Variants in CADM1 observed in about 807,000 individuals in gnomAD.
CADM1 encodes cell adhesion molecule 1.
CADM1 carries 15 observed loss-of-function variants against 53.1 expected under a neutral mutation model. The ratio of observed to expected loss-of-function variants is 0.28; its 90% CI spans 0.19 to 0.44. CADM1 has a LOEUF of 0.44. Ranked by LOEUF, CADM1 falls within the 20% of genes least tolerant of loss-of-function variation. The probability of loss-of-function intolerance (pLI) is 1.00; values close to 1 mark genes in which losing one functional copy is unlikely to be tolerated. For missense variants in CADM1, 434 were observed against 611.3 expected (o/e 0.71, Z 3.06); for synonymous variants, 281 against 243.0 (o/e 1.16, Z -1.45).
intron 1 of CADM1, among the ~76,000 whole-genome samples, chr11:115,245,586 C>T (rs1369477713): frequency 3.9e-5 from 6 of 152,128 alleles, no homozygotes; most frequent in Non-Finnish European, 8.8e-5. Context: ...ACCTCTAATC[C>T]CTACCCGAAA....
chr11:115,474,927 T>C (rs953580383), intron 1 of CADM1, among the ~76,000 whole-genome samples: 2 of 152,088 alleles, frequency 1.3e-5, no homozygotes, highest in African/African-American at 4.8e-5. Context: ...ATACTGACAA[T>C]ATAGTGTTGA....
chr11:115,218,641 A>C (rs1941285009), intron 5 of CADM1, among the ~76,000 whole-genome samples: 1 of 152,222 alleles, frequency 6.6e-6, no homozygotes, highest in Non-Finnish European at 1.5e-5. Context: ...TGGTACCCAC[A>C]GATTGAAGTA....
chr11:115,308,139 C>CTG (rs1252309510), intron 1 of CADM1, among the ~76,000 whole-genome samples: 143 of 120,788 alleles, frequency 1.2e-3, no homozygotes, highest in African/African-American at 3.7e-3. Context: ...CAAACTCTCT[C>CTG]TCTGTGTGTG....
At position 115,215,229 on chromosome 11, in the gene CADM1, G is replaced by A. The variant is rs1941129787; in HGVS notation, c.822-449C>T. Among the ~76,000 whole-genome samples the A allele has an allele frequency of 2.0e-5, 3 of 152,142 alleles. No homozygotes were observed. The South Asian group carries it at 6.2e-4, about 32-fold the overall frequency. On this transcript the variant is annotated intron_variant, in intron 6 of 11. Transcript: ENST00000331581. ...TAGAAGCCTCTTGTGATATTTAGAT[G>A]GATTTTGAGTTTCACCAAAAGGAAT...
At position 115,404,550 on chromosome 11, in the gene CADM1, G is replaced by T. The variant is rs1387977829; in HGVS notation, c.124+99721C>A. Among the ~76,000 whole-genome samples, 3 of 148,850 alleles carry T rather than the reference G, an allele frequency of 2.0e-5. 1 individual carries two copies. Among genetic ancestry groups the T allele is most frequent in the Admixed American group, 1.3e-4 (2 of 14,980 alleles). ...CAAAAAGCAAAACCATAAAGGAAAA[G>T]ATTGAGTTTGCCTGCATTAAAATTA... On this transcript the variant is annotated intron_variant, in intron 1 of 11. Coordinates refer to ENST00000331581, the MANE Select transcript of CADM1 (RefSeq NM_001301043.2).
intron 1 of CADM1, among the ~76,000 whole-genome samples, chr11:115,338,020 A>G (rs768509822): frequency 6.6e-6 from 1 of 152,072 alleles, no homozygotes; most frequent in Non-Finnish European, 1.5e-5. Context: ...CGGGTTGTAA[A>G]ATACTGGTCA....
chr11:115,368,944 A>T (rs1221636626), intron 1 of CADM1, among the ~76,000 whole-genome samples: 1 of 149,132 alleles, frequency 6.7e-6, no homozygotes, highest in East Asian at 2.0e-4. Flanking sequence ...ATGGCTACCC[A>T]ATTTAGTAGT....
chr11:115,369,481 A>G (rs1205758252), intron 1 of CADM1, among the ~76,000 whole-genome samples: 3 of 152,214 alleles, frequency 2.0e-5, no homozygotes, highest in African/African-American at 7.2e-5. Flanking sequence ...ACATAGTCAC[A>G]GTTTTATTTT....
At chr11:115,381,692 C>T (rs745308655) in intron 1 of CADM1, among the ~76,000 whole-genome samples, 15 of 152,120 alleles carry the variant, frequency 9.9e-5, no homozygotes, top group South Asian at 2.1e-4. Flanking sequence ...ACCTGACACA[C>T]GAAGTACATT....
chr11:115,386,563 C>T (rs1198093203), intron 1 of CADM1, among the ~76,000 whole-genome samples: 1 of 152,190 alleles, frequency 6.6e-6, no homozygotes, highest in Non-Finnish European at 1.5e-5. Flanking sequence ...CGGCTCAGGG[C>T]ATCACATGGT....
At chr11:115,215,459 C>G (rs1565303125) in intron 6 of CADM1, among the ~76,000 whole-genome samples, 3 of 152,124 alleles carry the variant, frequency 2.0e-5, no homozygotes, top group Non-Finnish European at 4.4e-5. Flanking sequence ...ACTGGCTCTC[C>G]AAGGCCTGCA....
At chr11:115,269,010 G>A (rs1943222739) in intron 1 of CADM1, among the ~76,000 whole-genome samples, 1 of 152,060 alleles carries the variant, frequency 6.6e-6, no homozygotes, top group Non-Finnish European at 1.5e-5. Flanking sequence ...TGTCACATAG[G>A]GACCAGTGGG....
intron 1 of CADM1, among the ~76,000 whole-genome samples, chr11:115,254,164 T>C (rs1006762817): frequency 1.3e-5 from 2 of 152,184 alleles, no homozygotes; most frequent in African/African-American, 2.4e-5. Context: ...ATCATCTTTG[T>C]ATCTCGAAAG....
intron 1 of CADM1, among the ~76,000 whole-genome samples, chr11:115,472,023 CACAG>C (rs1265631389): frequency 6.6e-6 from 1 of 152,132 alleles, no homozygotes; most frequent in African/African-American, 2.4e-5. Context: ...ACCAACCAGG[CACAG>C]ACAATCAGCA....
chr11:115,351,703 G>A (rs1945742070), intron 1 of CADM1, among the ~76,000 whole-genome samples: 1 of 152,146 alleles, frequency 6.6e-6, no homozygotes, highest in Admixed American at 6.5e-5. Context: ...TGGACACACA[G>A]AAAACATTCT....
chr11:115,186,963 G>C (rs1164506207), intron 10 of CADM1, among the ~76,000 whole-genome samples: 2 of 152,208 alleles, frequency 1.3e-5, no homozygotes, highest in East Asian at 1.9e-4. Context: ...GTTCACTGCA[G>C]CATCCCTGGT....
At chr11:115,428,596 A>T (rs1008737291) in intron 1 of CADM1, among the ~76,000 whole-genome samples, 3 of 152,172 alleles carry the variant, frequency 2.0e-5, no homozygotes, top group Non-Finnish European at 4.4e-5. Context: ...TTGTGTGTTC[A>T]TGTAACCTAG....
chr11:115,277,990 G>A (rs1943488673), intron 1 of CADM1, among the ~76,000 whole-genome samples: 1 of 152,030 alleles, frequency 6.6e-6, no homozygotes, highest in Non-Finnish European at 1.5e-5. Context: ...CGATGACCAT[G>A]CCCCTCTCTA....
chr11:115,261,451 T>C (rs930151457), intron 1 of CADM1, among the ~76,000 whole-genome samples: 1 of 152,126 alleles, frequency 6.6e-6, no homozygotes, highest in Non-Finnish European at 1.5e-5. Flanking sequence ...TAAAACAAAG[T>C]AGTATAAACA....
Sources: gnomAD v4.1 joint callset for allele counts (sites outside exome capture counted in the v4.1 genomes callset) on GRCh38, gnomAD v4.1.1 for gene constraint, MANE v1.5 for transcripts, NCBI Gene and HGNC (gene_info 2026-07-23, HGNC 2026-07-21) for gene names.